KHDRBS2: variants seen among roughly 807,000 people sequenced by gnomAD.
KHDRBS2 encodes the protein KH RNA binding domain containing, signal transduction associated 2, also known as KH domain-containing, RNA-binding, signal transduction-associated protein 2.
KHDRBS2 carries 26 observed loss-of-function variants against 44.3 expected under a neutral mutation model. The observed-to-expected ratio is 0.59, with a 90% CI of 0.43 to 0.81. The LOEUF (loss-of-function observed/expected upper bound fraction) is 0.81, where lower values mean the gene tolerates loss of function less well. Ranked by LOEUF, KHDRBS2 falls within the 40% of genes least tolerant of loss-of-function variation. KHDRBS2 has a pLI of 0.00. For synonymous variants in KHDRBS2, 194 were observed against 151.1 expected (o/e 1.28, Z -2.08); for missense variants, 476 against 433.1 (o/e 1.10, Z -0.88).
chr6:62,059,055 C>G (rs149224746), intron 2 of KHDRBS2, among the ~76,000 whole-genome samples: 1 of 151,430 alleles, frequency 6.6e-6, no homozygotes, highest in Non-Finnish European at 1.5e-5. Context: ...AAACTTAGAA[C>G]TCCACTGAGG....
chr6:61,813,922 C>T (rs181854901), intron 6 of KHDRBS2: 1 of 455,940 alleles, frequency 2.2e-6, no homozygotes, highest in East Asian at 6.9e-5. Flanking sequence ...TTTTACTTAC[C>T]TCTTATTATT....
chr6:62,213,710 T>C (rs1829480741), intron 1 of KHDRBS2, among the ~76,000 whole-genome samples: 1 of 151,192 alleles, frequency 6.6e-6, no homozygotes, highest in Non-Finnish European at 1.5e-5. Flanking sequence ...CCGTCTCTAC[T>C]AAAAATGCAA....
the KHDRBS2 span, among the ~76,000 whole-genome samples, chr6:61,569,777 G>A: frequency 3.9e-5 from 6 of 152,098 alleles, no homozygotes; most frequent in Non-Finnish European, 8.8e-5. Context: ...TGCAGCATCA[G>A]CCCAGAGCCT....
the KHDRBS2 span, among the ~76,000 whole-genome samples, chr6:61,568,141 G>A: frequency 2.0e-5 from 3 of 152,090 alleles, no homozygotes; most frequent in Non-Finnish European, 2.9e-5. Context: ...TCAAATATCA[G>A]TTGGCTGTAT....
At position 62,152,193 on chromosome 6, in the gene KHDRBS2, C is replaced by T. The variant is rs144995840; in HGVS notation, c.219+24992G>A. 6.8e-3 allele frequency among the ~76,000 whole-genome samples: 1,037 copies of T among 152,120 alleles called. 17 individuals carry two copies. The highest frequency in any genetic ancestry group is 0.023 in the African/African-American group (946 of 41,518). On this transcript the variant is annotated intron_variant, in intron 2 of 8. Coordinates refer to ENST00000281156, the MANE Select transcript of KHDRBS2 (RefSeq NM_152688.4). ...AATTAGCCGGGTGTGGTGGTACATGCCTGTAATCCCAGCTTCTCGGGAGGC... is the reference window on the plus strand; with the variant it reads ...AATTAGCCGGGTGTGGTGGTACATGTCTGTAATCCCAGCTTCTCGGGAGGC...
intron 1 of KHDRBS2, among the ~76,000 whole-genome samples, chr6:62,222,113 A>G (rs961697054): frequency 7.9e-5 from 12 of 152,212 alleles, no homozygotes; most frequent in African/African-American, 2.9e-4. Flanking sequence ...GAATAATAAA[A>G]AAGTTAACAC....
At chr6:61,687,658 C>T (rs1395381308) in intron 8 of KHDRBS2, among the ~76,000 whole-genome samples, 1 of 151,670 alleles carries the variant, frequency 6.6e-6, no homozygotes, top group Non-Finnish European at 1.5e-5. Flanking sequence ...TATTATTGTG[C>T]TTAATATCTC....
intron 4 of KHDRBS2, among the ~76,000 whole-genome samples, chr6:61,952,722 T>A (rs1273655073): frequency 6.6e-6 from 1 of 152,058 alleles, no homozygotes; most frequent in Non-Finnish European, 1.5e-5. Context: ...GATTGCATGA[T>A]TATCATAGCC....
rs190542445 is a variant in KHDRBS2, at chr6:61,680,933, T to C, written c.*30A>G. The C allele has an allele frequency of 1.7e-4, 236 of 1,403,780 alleles. No homozygotes were observed. Among genetic ancestry groups the C allele is most frequent in the Non-Finnish European group, 2.1e-4 (211 of 994,254 alleles). The allele number at this position is 1,403,780 out of a possible 1,614,324, so 87.0% of individuals were successfully genotyped here. A position where few individuals can be genotyped will look rare whatever the true frequency, so the allele number is the denominator to read the frequency against. On this transcript the variant is annotated 3_prime_UTR_variant, in exon 9 of 9. Transcript: ENST00000281156. Reference sequence around the variant, plus strand: ...GGAGACCACAGGCTATGAATTGTCTTTGAGGTGAGGTCACAGGTGGGAAGG... The same window carrying C: ...GGAGACCACAGGCTATGAATTGTCTCTGAGGTGAGGTCACAGGTGGGAAGG...
intron 4 of KHDRBS2, among the ~76,000 whole-genome samples, chr6:61,974,933 A>AAAATAAAT (rs139333730): frequency 8.7e-5 from 12 of 138,726 alleles, no homozygotes; most frequent in African/African-American, 1.1e-4. Flanking sequence ...TCCATCTTAA[A>AAAATAAAT]AAATAAATAA....
At chr6:61,912,191 T>G (rs2127352023) in intron 4 of KHDRBS2, among the ~76,000 whole-genome samples, 1 of 152,214 alleles carries the variant, frequency 6.6e-6, no homozygotes, top group South Asian at 2.1e-4. Context: ...GAAATGAACT[T>G]GTAAAATGTA....
At chr6:61,812,521 T>G (rs1040689021) in intron 6 of KHDRBS2, among the ~76,000 whole-genome samples, 2 of 151,942 alleles carry the variant, frequency 1.3e-5, no homozygotes, top group Non-Finnish European at 2.9e-5. Context: ...CAAAGGTAAG[T>G]AAAATAATTA....
chr6:61,699,083 C>T (rs1413120857), intron 7 of KHDRBS2, among the ~76,000 whole-genome samples: 1 of 152,044 alleles, frequency 6.6e-6, no homozygotes, highest in South Asian at 2.1e-4. Flanking sequence ...AAATTGGTCT[C>T]TCATTTATTT....
At chr6:62,192,590 T>A (rs891310857) in intron 1 of KHDRBS2, among the ~76,000 whole-genome samples, 2 of 152,148 alleles carry the variant, frequency 1.3e-5, no homozygotes, top group Non-Finnish European at 2.9e-5. Context: ...CATTAGGCAT[T>A]CCTTGTGTTT....
At chr6:61,832,468 C>G (rs1428364477) in intron 6 of KHDRBS2, among the ~76,000 whole-genome samples, 4 of 152,046 alleles carry the variant, frequency 2.6e-5, no homozygotes, top group African/African-American at 7.2e-5. Context: ...AAAGCTGCAA[C>G]CTGACATCAG....
At chr6:61,884,441 T>C (rs1386453357) in intron 6 of KHDRBS2, among the ~76,000 whole-genome samples, 3 of 152,136 alleles carry the variant, frequency 2.0e-5, no homozygotes, top group Non-Finnish European at 4.4e-5. Flanking sequence ...AGAGAAAATA[T>C]GAAGTAATTT....
rs1582669404 is a variant in KHDRBS2 at position 61,762,603 on chromosome 6, A to G, written c.811-29839T>C. 1.4e-4 allele frequency among the ~76,000 whole-genome samples: 21 copies of G among 152,238 alleles called. No individual in the cohort carries two copies. The South Asian group carries it at 4.4e-3, about 32-fold the overall frequency. On this transcript the variant is annotated intron_variant, in intron 6 of 8. Transcript: ENST00000281156. ...TCTCTGCACATGCTGGCTACTCTAC[A>G]CCTTGTACCGTGATTGGAAGCAGCC...
intron 6 of KHDRBS2, among the ~76,000 whole-genome samples, chr6:61,812,316 A>C (rs1278725184): frequency 1.3e-5 from 2 of 152,012 alleles, no homozygotes; most frequent in Admixed American, 1.3e-4. Context: ...TACCTCTTTA[A>C]CTTCCTAGTA....
chr6:62,198,917 G>T (rs1161728255), intron 1 of KHDRBS2, among the ~76,000 whole-genome samples: 9 of 152,136 alleles, frequency 5.9e-5, no homozygotes, highest in Admixed American at 2.0e-4. Flanking sequence ...TCCCTGGGAA[G>T]CGAGGCTGGT....
Sources: gnomAD v4.1 joint callset for allele counts (sites outside exome capture counted in the v4.1 genomes callset) on GRCh38, gnomAD v4.1.1 for gene constraint, MANE v1.5 for transcripts, NCBI Gene and HGNC (gene_info 2026-07-23, HGNC 2026-07-21) for gene names.